SF3B1: variants seen among roughly 807,000 people sequenced by gnomAD.
SF3B1 encodes the protein pre-mRNA processing 10.
A neutral mutation model predicts 153.8 loss-of-function variants in SF3B1; 12 were observed. The ratio of observed to expected loss-of-function variants is 0.08; its 90% CI spans 0.05 to 0.13. The LOEUF (loss-of-function observed/expected upper bound fraction) is 0.13, where lower values mean the gene tolerates loss of function less well. SF3B1 is among the 10% of genes least tolerant of loss of function. The pLI is 1.00. For synonymous variants in SF3B1, 498 were observed against 525.2 expected (o/e 0.95, Z 0.71); for missense variants, 513 against 1,606.1 (o/e 0.32, Z 11.63).
intron 7 of SF3B1, 72 bp from the exon 8 acceptor site, chr2:197,408,653 G>A (rs2085024975): frequency 9.6e-7 from 1 of 1,044,952 alleles, no homozygotes; most frequent in Non-Finnish European, 1.5e-6. Flanking sequence ...TTCTCAAACA[G>A]TTATACTCAA....
rs138215794 is a variant in SF3B1 at position 197,412,341 on chromosome 2, A to AATTTATTTATTTATTT, written c.667-2350_667-2335dup. Among the ~76,000 whole-genome samples the AATTTATTTATTTATTT allele has an allele frequency of 3.0e-4, 44 of 145,792 alleles. 1 individual carries two copies. In the Middle Eastern group the frequency reaches 0.011, roughly 35 times the overall value. ...TTAAAAAAGTCTGAGTCTCTGATTTAATTTATTTATTTATTTATTTATTTA... is the reference window on the plus strand; with the variant it reads ...TTAAAAAAGTCTGAGTCTCTGATTTAATTTATTTATTTATTTATTTATTTATTTATTTATTTATTTA... On this transcript the variant is annotated intron_variant, in intron 6 of 24. Transcript: ENST00000335508.
rs1412309509 is a variant in SF3B1 at position 197,420,432 on chromosome 2, T to A, written c.411A>T (p.Ala137=). The change falls in exon 4 of 25, where the codon GCA becomes GCT. Residue 137 remains alanine, a synonymous_variant. Coordinates refer to ENST00000335508, the MANE Select transcript of SF3B1 (RefSeq NM_012433.4). ...IISPERLDPF[A]DGGKTPDPKM... is the part of the protein sequence containing the mutation. ...AGAAAAGTGGGAAAGAATTACCATCTGCAAAAGGATCAAGACGCTCTGGGG... is the reference window on the plus strand; with the variant it reads ...AGAAAAGTGGGAAAGAATTACCATCAGCAAAAGGATCAAGACGCTCTGGGG... 1.2e-6 allele frequency: 2 copies of A among 1,607,656 alleles called. No homozygotes were observed. Among genetic ancestry groups the A allele is most frequent in the African/African-American group, 1.3e-5 (1 of 74,810 alleles).
chr2:197,415,293 C>A (rs1328130199), intron 6 of SF3B1, among the ~76,000 whole-genome samples: 1 of 151,726 alleles, frequency 6.6e-6, no homozygotes, highest in Non-Finnish European at 1.5e-5. Context: ...CACTCTGTTG[C>A]CCAAGCTGGA....
chr2:197,431,072 T>C (rs2085424727), intron 1 of SF3B1, among the ~76,000 whole-genome samples: 2 of 150,376 alleles, frequency 1.3e-5, no homozygotes, highest in Admixed American at 1.3e-4. Context: ...ACCAATTCTG[T>C]CCCTCTGATT....
intron 2 of SF3B1, among the ~76,000 whole-genome samples, chr2:197,423,386 A>G (rs995893653): frequency 6.6e-6 from 1 of 151,592 alleles, no homozygotes; most frequent in South Asian, 2.1e-4. Context: ...AAAAAAAAAA[A>G]GATAAGAAAA....
chr2:197,401,480 T>G lies in SF3B1; in HGVS notation c.2416A>C (p.Ile806Leu). ...CGTDGVEANYIKTEILPPFFK... is the reference protein window; with the variant it reads ...CGTDGVEANYLKTEILPPFFK... ...AAGGGAGGAAGAATCTCTGTTTTAA[T>G]GTAGTTTGCTTCTACACCATCTGTC... Residue 806 changes from isoleucine (I) to leucine (L), a missense_variant, in exon 17 of 25, where the codon ATT becomes CTT. This residue lies in a region of SF3B1 where 50 missense variants were observed against 236.5 expected (regional missense o/e 0.21). Coordinates refer to ENST00000335508, the MANE Select transcript of SF3B1 (RefSeq NM_012433.4). The surrounding 1 kb of genome is among the most constrained non-coding windows in gnomAD (Gnocchi z 4.2). 1.2e-6 allele frequency: 2 copies of G among 1,612,076 alleles called. No individual in the cohort carries two copies. The highest frequency in any genetic ancestry group is 1.7e-6 in the Non-Finnish European group (2 of 1,178,544).
chr2:197,434,901 G>T (rs2085498695), intron 1 of SF3B1, 71 bp downstream of exon 1: 1 of 1,510,872 alleles, frequency 6.6e-7, no homozygotes, highest in African/African-American at 1.4e-5. Context: ...GAAAAAGGCA[G>T]AATCCTAGGA....
Position 197,394,348 on chromosome 2 carries a change from C to T in SF3B1, c.3540-1160G>A, listed in dbSNP as rs376576223. Among the ~76,000 whole-genome samples the T allele has an allele frequency of 1.2e-3, 184 of 152,230 alleles. 5 individuals carry two copies. In the South Asian group the frequency reaches 0.03, roughly 25 times the overall value. On this transcript the variant is annotated intron_variant, in intron 23 of 24. Transcript: ENST00000335508. Reference sequence around the variant, plus strand: ...TCTTGATTATAAACTTAAATCTTTACTAGTACTTCAGATACTGGTATATAA... The same window carrying T: ...TCTTGATTATAAACTTAAATCTTTATTAGTACTTCAGATACTGGTATATAA...
intron 6 of SF3B1, among the ~76,000 whole-genome samples, chr2:197,410,837 T>C (rs2085057307): frequency 6.6e-6 from 1 of 152,190 alleles, no homozygotes; most frequent in Non-Finnish European, 1.5e-5. Context: ...TACCGTCACA[T>C]GATTTCAATC....
chr2:197,405,443 A>G lies in SF3B1; in HGVS notation c.1269T>C (p.Pro423=). 1.2e-6 allele frequency: 2 copies of G among 1,613,562 alleles called. No individual in the cohort carries two copies. Among genetic ancestry groups the G allele is most frequent in the Non-Finnish European group, 1.7e-6 (2 of 1,179,680 alleles). ...TCAGCTTTCGAGCTGGAGTTCGAATAGGAACATAACCAGCTGGAGGAGGAA... is the reference window on the plus strand; with the variant it reads ...TCAGCTTTCGAGCTGGAGTTCGAATGGGAACATAACCAGCTGGAGGAGGAA... The part of the protein sequence containing the change: ...KVLPPPAGYV[P]IRTPARKLTA... Residue 423 remains proline, a synonymous_variant, in exon 10 of 25, where the codon CCT becomes CCC. Transcript: ENST00000335508.
At chr2:197,399,960 C>T in intron 20 of SF3B1, 95 bp downstream of exon 20, 1 of 832,034 alleles carries the variant, frequency 1.2e-6, no homozygotes. Context: ...CTAACAAAAA[C>T]CTCCCAACTC....
chr2:197,424,138 T>A (rs2085292946), intron 1 of SF3B1, among the ~76,000 whole-genome samples, 164 bp from the exon 2 acceptor site: 1 of 152,088 alleles, frequency 6.6e-6, no homozygotes, highest in Admixed American at 6.5e-5. Flanking sequence ...GTAAGCAAGC[T>A]CTAGAAATTA....
chr2:197,403,096 G>T, intron 12 of SF3B1, 61 bp from the exon 13 acceptor site: 1 of 1,205,416 alleles, frequency 8.3e-7, no homozygotes, highest in Non-Finnish European at 1.2e-6. Flanking sequence ...AAATGCTCAT[G>T]TACAGAATTA....
intron 23 of SF3B1, among the ~76,000 whole-genome samples, chr2:197,394,960 AAAGAG>A (rs529441771): frequency 4.2e-4 from 64 of 152,316 alleles, no homozygotes; most frequent in Non-Finnish European, 7.5e-4. Flanking sequence ...AGACCATATC[AAAGAG>A]AAAAGAGAAA....
At position 197,400,881 on chromosome 2, in the gene SF3B1, G is replaced by C. The variant is rs2105982896; in HGVS notation, c.2552C>G (p.Ser851Cys). 1 of 1,613,534 alleles carries C rather than the reference G, an allele frequency of 6.2e-7. No homozygotes were observed. The highest frequency in any genetic ancestry group is 8.5e-7 in the Non-Finnish European group (1 of 1,179,796). Residue 851 changes from serine (S) to cysteine (C), a missense_variant, in exon 18 of 25, where the codon TCC becomes TGC. Transcript: ENST00000335508. This position sits in a 1 kb window ranked among gnomAD's most constrained non-coding sequence, Gnocchi z 5.0. ...ATCTTTCAGATCATCCACAATCCTG[G>C]ATATAATTTCTGCTGCACCTACTTT... is the stretch of plus-strand genomic sequence containing the variant. ...ANKVGAAEII[S>C]RIVDDLKDEA... is the part of the protein sequence containing the mutation.
chr2:197,408,164 G>A (rs779330479), intron 8 of SF3B1, 45 bp from the exon 9 acceptor site: 3 of 1,509,446 alleles, frequency 2.0e-6, no homozygotes, highest in South Asian at 2.3e-5. Context: ...GTACAAGACT[G>A]TATTATTACA....
rs762032716 is a variant in SF3B1 at position 197,408,146 on chromosome 2, A to T, written c.1118-27T>A. On this transcript the variant is annotated intron_variant, in intron 8 of 24. Coordinates refer to ENST00000335508, the MANE Select transcript of SF3B1 (RefSeq NM_012433.4). ...TACCAAGAAAAGCAAATTTTTATAT[A>T]ATCTATAGTACAAGACTGTATTATT... The T allele has an allele frequency of 2.5e-6, 4 of 1,572,918 alleles. No homozygotes were observed. In the South Asian group the frequency reaches 4.4e-5, roughly 17 times the overall value.
intron 23 of SF3B1, 99 bp downstream of exon 23, chr2:197,395,957 C>T: frequency 1.9e-6 from 2 of 1,068,594 alleles, no homozygotes; most frequent in Admixed American, 2.4e-5. Context: ...TTTTCTTTAA[C>T]TATGTTACAG....
At chr2:197,418,768 C>A in intron 4 of SF3B1, 180 bp from the exon 5 acceptor site, 1 of 1,464,094 alleles carries the variant, frequency 6.8e-7, no homozygotes, top group Non-Finnish European at 9.0e-7. Context: ...ATCAATTTAA[C>A]CTGTTTGAAC....
Sources: gnomAD v4.1 joint callset for allele counts (sites outside exome capture counted in the v4.1 genomes callset) on GRCh38, gnomAD v4.1.1 for gene constraint, gnomAD v4.1.1 regional missense constraint, Gnocchi (gnomAD v3.1) non-coding constraint, MANE v1.5 for transcripts, NCBI Gene and HGNC (gene_info 2026-07-23, HGNC 2026-07-21) for gene names.